The following ADNP variants were observed in gnomAD, a reference collection of about 807,000 sequenced individuals.
The protein encoded by ADNP is activity-dependent neuroprotector homeobox protein.
A neutral mutation model predicts 84.9 loss-of-function variants in ADNP; 4 were observed. The ratio of observed to expected loss-of-function variants is 0.05; its 90% CI spans 0.02 to 0.11. The LOEUF is 0.11. Among genes scored for constraint, ADNP ranks in the 10% least tolerant of loss-of-function variants. The pLI, the probability that ADNP is intolerant of heterozygous loss-of-function variation, is 1.00. For synonymous variants in ADNP, 554 were observed against 468.1 expected (o/e 1.18, Z -2.37); for missense variants, 1,132 against 1,326.0 (o/e 0.85, Z 2.27).
chr20:50,907,686 G>A (rs953443950), intron 2 of ADNP, among the ~76,000 whole-genome samples: 2 of 151,922 alleles, frequency 1.3e-5, no homozygotes, highest in Non-Finnish European at 2.9e-5. Flanking sequence ...GGGCACAAGT[G>A]ATCTTCCCAC....
chr20:50,890,806 A>T lies in ADNP; in HGVS notation c.*599T>A. 1 of 510,704 alleles carries T rather than the reference A, an allele frequency of 2.0e-6. No homozygotes were observed. The highest frequency in any genetic ancestry group is 2.5e-6 in the Non-Finnish European group (1 of 396,130). 31.6% of individuals were successfully genotyped at this position (510,704 alleles called of 1,614,324 possible). A position where few individuals can be genotyped will look rare whatever the true frequency, so the allele number is the denominator to read the frequency against. Reference sequence around the variant, plus strand: ...TAAGTCTGTCCAAAAAGTCCATACTAGCGCAGTTTTGAGCTTTTGCTAGGT... The same window carrying T: ...TAAGTCTGTCCAAAAAGTCCATACTTGCGCAGTTTTGAGCTTTTGCTAGGT... On this transcript the variant is annotated 3_prime_UTR_variant, in exon 6 of 6. Transcript: ENST00000621696.
At chr20:50,924,048 G>T (rs1207850060) in intron 2 of ADNP, among the ~76,000 whole-genome samples, 2 of 152,192 alleles carry the variant, frequency 1.3e-5, no homozygotes, top group Non-Finnish European at 2.9e-5. Flanking sequence ...TCCACCAGAA[G>T]AGCAGAGCTT....
Position 50,889,604 on chromosome 20 carries a change from T to C in ADNP, c.*1801A>G. The C allele has an allele frequency of 2.9e-6, 1 of 340,954 alleles. No homozygotes were observed. The highest frequency in any genetic ancestry group is 4.3e-5 in the East Asian group (1 of 23,354). 21.1% of individuals were successfully genotyped at this position (340,954 alleles called of 1,614,324 possible). A position where few individuals can be genotyped will look rare whatever the true frequency, so the allele number is the denominator to read the frequency against. ...ACAGCATTAACAAGAGTCTTTCTTT[T>C]GGAAACAGACTCAGAAGTTATGGAC... On this transcript the variant is annotated 3_prime_UTR_variant, in exon 6 of 6. Coordinates refer to ENST00000621696, the MANE Select transcript of ADNP (RefSeq NM_001282531.3).
intron 2 of ADNP, among the ~76,000 whole-genome samples, chr20:50,919,785 T>C (rs1983814962): frequency 6.6e-6 from 1 of 152,146 alleles, no homozygotes; most frequent in Non-Finnish European, 1.5e-5. Context: ...TAGGAACTTC[T>C]TGCTCAACTC....
At chr20:50,911,431 T>C (rs1983022246) in intron 2 of ADNP, among the ~76,000 whole-genome samples, 1 of 152,148 alleles carries the variant, frequency 6.6e-6, no homozygotes, top group African/African-American at 2.4e-5. Flanking sequence ...CCAATTTTCC[T>C]ACCAACACTA....
At chr20:50,909,803 A>T (rs1982867579) in intron 2 of ADNP, 1 of 152,228 alleles carries the variant, frequency 6.6e-6, no homozygotes, top group South Asian at 2.1e-4. Context: ...CATCTATGTA[A>T]GATAATGACC....
At chr20:50,900,683 GTT>G (rs1981882675) in intron 5 of ADNP, among the ~76,000 whole-genome samples, 1 of 152,166 alleles carries the variant, frequency 6.6e-6, no homozygotes, top group African/African-American at 2.4e-5. Context: ...GGCCCACGAT[GTT>G]TTAGTGCAAT....
chr20:50,897,845 C>T (rs764230337), intron 5 of ADNP, among the ~76,000 whole-genome samples: 3 of 152,320 alleles, frequency 2.0e-5, no homozygotes, highest in Non-Finnish European at 4.4e-5. Context: ...AATACTACTT[C>T]TCCACTTCGC....
rs755818012 is a variant in ADNP at position 50,891,644 on chromosome 20, C to G, written c.3070G>C (p.Glu1024Gln). 4.3e-5 allele frequency: 69 copies of G among 1,614,070 alleles called. No individual in the cohort carries two copies. The highest frequency in any genetic ancestry group is 8.9e-5 in the East Asian group (4 of 44,904). Residue 1024 changes from glutamate (E) to glutamine (Q), a missense_variant, in exon 6 of 6, where the codon GAG becomes CAG. Glu to Gln is a conservative substitution (Grantham distance 29, BLOSUM62 2). This residue lies in a region of ADNP where 381 missense variants were observed against 319.9 expected (regional missense o/e 1.19). Coordinates refer to ENST00000621696, the MANE Select transcript of ADNP (RefSeq NM_001282531.3). ...KKKATMQGDR[E>Q]QLKWKNSSYG... ...GAACTATTCTTCCATTTCAACTGCT[C>G]TCTGTCACCTTGCATGGTAGCCTTT... is the stretch of plus-strand genomic sequence containing the variant.
intron 5 of ADNP, among the ~76,000 whole-genome samples, chr20:50,896,955 T>G (rs946874950): frequency 2.0e-5 from 3 of 152,234 alleles, no homozygotes; most frequent in Non-Finnish European, 2.9e-5. Context: ...TGTTGTTGTT[T>G]GAGATGCAGT....
intron 2 of ADNP, among the ~76,000 whole-genome samples, chr20:50,908,943 T>C (rs1037439956): frequency 2.0e-5 from 3 of 151,642 alleles, no homozygotes; most frequent in Admixed American, 1.3e-4. Flanking sequence ...AAAACTAAAA[T>C]ACAGGTAATT....
intron 2 of ADNP, among the ~76,000 whole-genome samples, chr20:50,922,086 G>A (rs377492144): frequency 2.0e-5 from 3 of 152,174 alleles, no homozygotes; most frequent in African/African-American, 7.2e-5. Flanking sequence ...TAATTCACAA[G>A]TAGCCCTTAA....
intron 5 of ADNP, among the ~76,000 whole-genome samples, chr20:50,899,497 C>T (rs918055837): frequency 5.9e-5 from 9 of 152,032 alleles, no homozygotes; most frequent in African/African-American, 1.9e-4. Context: ...AGGCATGAGC[C>T]CAGCGCCCGG....
chr20:50,913,250 C>CAAA (rs56911332), intron 2 of ADNP, among the ~76,000 whole-genome samples: 1,154 of 42,870 alleles, frequency 0.027, 413 homozygotes, highest in Non-Finnish European at 0.04. Flanking sequence ...GACTCTGTCT[C>CAAA]AAAAAAAAAA....
At chr20:50,911,510 C>CTTTTCT (rs775357258) in intron 2 of ADNP, among the ~76,000 whole-genome samples, 4 of 141,902 alleles carry the variant, frequency 2.8e-5, no homozygotes, top group Non-Finnish European at 4.6e-5. Flanking sequence ...CTTTTCTTTT[C>CTTTTCT]TTTTTTTTTT....
Position 50,914,908 on chromosome 20 carries a change from G to A in ADNP, c.-89-10059C>T, listed in dbSNP as rs190609909. Among the ~76,000 whole-genome samples, 337 of 152,168 alleles carry A rather than the reference G, an allele frequency of 2.2e-3. 1 individual carries two copies. The highest frequency in any genetic ancestry group is 4.0e-3 in the Non-Finnish European group (271 of 68,004). On this transcript the variant is annotated intron_variant, in intron 2 of 5. Coordinates refer to ENST00000621696, the MANE Select transcript of ADNP (RefSeq NM_001282531.3). ...ATAGGAGGAATATTTACGTATTTCA[G>A]TGGACCAAATTTTAAGTTGGGGGTT...
At position 50,889,774 on chromosome 20, in the gene ADNP, A is replaced by G; in HGVS notation, c.*1631T>C. On this transcript the variant is annotated 3_prime_UTR_variant, in exon 6 of 6. Coordinates refer to ENST00000621696, the MANE Select transcript of ADNP (RefSeq NM_001282531.3). ...TTGTAACTTTCTGCTTTTTAGTACA[A>G]GTTCTCTTGGGAATCTACGCATGGT... 2.5e-6 allele frequency: 1 copy of G among 397,656 alleles called. No individual in the cohort carries two copies. The allele number at this position is 397,656 out of a possible 1,614,324, so 24.6% of individuals were successfully genotyped here.
intron 5 of ADNP, among the ~76,000 whole-genome samples, chr20:50,896,435 C>T (rs933684047): frequency 6.6e-6 from 1 of 151,906 alleles, no homozygotes; most frequent in Non-Finnish European, 1.5e-5. Context: ...ACTAAAAATA[C>T]AAAAAATTAA....
At chr20:50,896,615 C>T (rs988832369) in intron 5 of ADNP, among the ~76,000 whole-genome samples, 3 of 152,084 alleles carry the variant, frequency 2.0e-5, no homozygotes, top group Non-Finnish European at 4.4e-5. Context: ...AAGACACAAA[C>T]GCATACGTTA....
Sources: gnomAD v4.1 joint callset for allele counts (sites outside exome capture counted in the v4.1 genomes callset) on GRCh38, gnomAD v4.1.1 for gene constraint, gnomAD v4.1.1 regional missense constraint, MANE v1.5 for transcripts, NCBI Gene and HGNC (gene_info 2026-07-23, HGNC 2026-07-21) for gene names.